TMPRSS2: variants seen among roughly 807,000 people sequenced by gnomAD.
TMPRSS2 encodes transmembrane serine protease 2.
In TMPRSS2, 59 loss-of-function variants were observed where a neutral mutation model predicts 67.4. That is an observed-to-expected ratio of 0.88 (90% CI 0.71 to 1.09). The LOEUF is 1.09. TMPRSS2 is among the 50% of genes least tolerant of loss of function. The pLI is 0.00. For missense variants in TMPRSS2, 668 were observed against 642.7 expected (o/e 1.04, Z -0.43); for synonymous variants, 257 against 257.0 (o/e 1.00, Z 0.00).
At chr21:41,505,633 G>A (rs888971983) in intron 1 of TMPRSS2, among the ~76,000 whole-genome samples, 3 of 152,214 alleles carry the variant, frequency 2.0e-5, no homozygotes, top group African/African-American at 7.2e-5. Context: ...AGGTAGGGCT[G>A]TGGGCAGGGG....
rs2146448717 is a variant in TMPRSS2, at chr21:41,478,715, A to G, written c.683+457T>C. Among the ~76,000 whole-genome samples the G allele has an allele frequency of 6.6e-6, 1 of 152,280 alleles. No homozygotes were observed. The highest frequency in any genetic ancestry group is 1.9e-4 in the East Asian group (1 of 5,168). ...GGGGTTGGGGCTAACGGGACCAGCC[A>G]GCCCAGCTGCCTGGAATGGAGCAGG... On this transcript the variant is annotated intron_variant, in intron 7 of 13. Transcript: ENST00000332149. The surrounding 1 kb of genome is among the most constrained non-coding windows in gnomAD (Gnocchi z 4.0).
chr21:41,495,067 CAA>C (rs3037875), intron 2 of TMPRSS2, among the ~76,000 whole-genome samples: 24,510 of 136,844 alleles, frequency 0.18, 2,620 homozygotes, highest in East Asian at 0.32. Context: ...GACTATGTCT[CAA>C]AAAAAAAAAA....
At chr21:41,472,615 G>A (rs190385097) in intron 9 of TMPRSS2, among the ~76,000 whole-genome samples, 9 of 152,288 alleles carry the variant, frequency 5.9e-5, no homozygotes, top group African/African-American at 1.7e-4. Flanking sequence ...ATAACAGCCC[G>A]AGAGGAGAAG....
chr21:41,471,252 G>A (rs554702767), intron 10 of TMPRSS2, among the ~76,000 whole-genome samples: 9 of 152,358 alleles, frequency 5.9e-5, no homozygotes, highest in African/African-American at 1.9e-4. Flanking sequence ...GAGTGGGACC[G>A]AATAAGAGGC....
At chr21:41,467,636 C>G (rs1425393333) in intron 13 of TMPRSS2, 98 bp downstream of exon 13, 2 of 1,455,614 alleles carry the variant, frequency 1.4e-6, no homozygotes, top group Admixed American at 1.8e-5. Context: ...GACCAGTGGT[C>G]ACCAGTCAGC....
chr21:41,476,477 C>T, intron 8 of TMPRSS2, 100 bp downstream of exon 8: 1 of 1,244,494 alleles, frequency 8.0e-7, no homozygotes, highest in Non-Finnish European at 1.2e-6. Context: ...ACCCCACCTT[C>T]TTCCCTCCCA....
chr21:41,504,737 C>G (rs2091446095), intron 1 of TMPRSS2, among the ~76,000 whole-genome samples: 1 of 152,158 alleles, frequency 6.6e-6, no homozygotes, highest in Admixed American at 6.5e-5. Context: ...CTTCTTCACA[C>G]CCAGGCCCAT....
chr21:41,472,159 A>G lies in TMPRSS2; in HGVS notation c.900-178T>C, dbSNP rs111671182. On this transcript the variant is annotated intron_variant, in intron 9 of 13. Transcript: ENST00000332149. ...TCCCCTTCTCCCCCACACTCCCCCA[A>G]CCCCGACTCCCTGCCTCAGCCCCCC... is the stretch of plus-strand genomic sequence containing the variant. Among the ~76,000 whole-genome samples the G allele has an allele frequency of 1.6e-3, 230 of 147,598 alleles. 1 individual carries two copies. The highest frequency in any genetic ancestry group is 5.6e-3 in the African/African-American group (222 of 39,728).
In TMPRSS2 at chr21:41,498,112, C is replaced by A. The variant is rs969721600; in HGVS notation, c.15+7G>T. On this transcript the variant is annotated splice_region_variant and intron_variant, in intron 2 of 13. Coordinates refer to ENST00000332149, the MANE Select transcript of TMPRSS2 (RefSeq NM_005656.4). ...AAAGGCCAGGAAGGTAATAATTAAC[C>A]ACTTACTGAGTTCAAAGCCATCTTG... 4 of 1,599,682 alleles carry A rather than the reference C, an allele frequency of 2.5e-6. No homozygotes were observed. The South Asian group carries it at 4.4e-5, about 18-fold the overall frequency.
chr21:41,483,936 C>T (rs1466752430), intron 5 of TMPRSS2, among the ~76,000 whole-genome samples: 1 of 151,888 alleles, frequency 6.6e-6, no homozygotes, highest in Non-Finnish European at 1.5e-5. Flanking sequence ...CGAGACCAAC[C>T]CCATCTCCAC....
intron 1 of TMPRSS2, chr21:41,506,548 G>C (rs1482639709): frequency 3.3e-5 from 5 of 152,286 alleles, no homozygotes; most frequent in Non-Finnish European, 7.3e-5. Flanking sequence ...TTCTGGGGGA[G>C]CTCCCGGTTA....
intron 3 of TMPRSS2, among the ~76,000 whole-genome samples, chr21:41,491,517 C>T (rs1569023237): frequency 6.6e-6 from 1 of 152,176 alleles, no homozygotes; most frequent in African/African-American, 2.4e-5. Context: ...CCCAGGCACA[C>T]GATGTTCTCA....
chr21:41,491,518 G>A (rs536818982), intron 3 of TMPRSS2, among the ~76,000 whole-genome samples: 1 of 152,162 alleles, frequency 6.6e-6, no homozygotes, highest in Non-Finnish European at 1.5e-5. Flanking sequence ...CCAGGCACAC[G>A]ATGTTCTCAT....
chr21:41,484,647 A>G (rs1280146211), intron 5 of TMPRSS2, among the ~76,000 whole-genome samples: 1 of 152,154 alleles, frequency 6.6e-6, no homozygotes, highest in Non-Finnish European at 1.5e-5. Context: ...ACTGGATAAA[A>G]CCAAACTGAA....
At chr21:41,473,879 G>T (rs912825824) in intron 8 of TMPRSS2, among the ~76,000 whole-genome samples, 3 of 144,940 alleles carry the variant, frequency 2.1e-5, no homozygotes, top group South Asian at 2.3e-4. Flanking sequence ...GAGTGAGGGG[G>T]TGAGGAGACG....
chr21:41,503,364 G>T (rs899706000), intron 1 of TMPRSS2, among the ~76,000 whole-genome samples: 1 of 152,210 alleles, frequency 6.6e-6, no homozygotes, highest in Non-Finnish European at 1.5e-5. Context: ...GAGGCTTAAA[G>T]AACTTGTCCA....
In TMPRSS2 at chr21:41,489,575, C is replaced by T. The variant is rs1249372638; in HGVS notation, c.257G>A (p.Cys86Tyr). 1 of 1,614,136 alleles carries T rather than the reference C, an allele frequency of 6.2e-7. No individual in the cohort carries two copies. The highest frequency in any genetic ancestry group is 1.1e-5 in the South Asian group (1 of 91,074). ...VCTSKTKKAL[C>Y]ITLTLGTFLV... ...GAAGGTCCCCAGGGTCAAGGTGATG[C>T]ACAGTGCTTTCTTAGTCTCTGGAAG... The change falls in exon 4 of 14, where the codon TGC becomes TAC. Residue 86 changes from cysteine (C) to tyrosine (Y), a missense_variant. Transcript: ENST00000332149.
At position 41,478,166 on chromosome 21, in the gene TMPRSS2, C is replaced by T. The variant is rs781777675; in HGVS notation, c.683+1006G>A. Among the ~76,000 whole-genome samples the T allele has an allele frequency of 1.3e-5, 2 of 152,234 alleles. No homozygotes were observed. Among genetic ancestry groups the T allele is most frequent in the African/African-American group, 2.4e-5 (1 of 41,456 alleles). On this transcript the variant is annotated intron_variant, in intron 7 of 13. Coordinates refer to ENST00000332149, the MANE Select transcript of TMPRSS2 (RefSeq NM_005656.4). This position sits in a 1 kb window ranked among gnomAD's most constrained non-coding sequence, Gnocchi z 4.0. ...TGCTGTTTTGATGGGTGCACCTGGC[C>T]GTGCACAGCCCTCCCCACTGGGCTT...
At chr21:41,498,251 C>A (rs2091399653) in intron 1 of TMPRSS2, 62 bp from the exon 2 acceptor site, 1 of 1,124,704 alleles carries the variant, frequency 8.9e-7, no homozygotes, top group South Asian at 1.4e-5. Flanking sequence ...GAAGATAAAT[C>A]TGGAAAGAAC....
Sources: gnomAD v4.1 joint callset for allele counts (sites outside exome capture counted in the v4.1 genomes callset) on GRCh38, gnomAD v4.1.1 for gene constraint, Gnocchi (gnomAD v3.1) non-coding constraint, MANE v1.5 for transcripts, NCBI Gene and HGNC (gene_info 2026-07-23, HGNC 2026-07-21) for gene names.